Variants in SYN3 observed in about 807,000 individuals in gnomAD.
SYN3 encodes the protein synapsin-3.
SYN3 carries 35 observed loss-of-function variants against 65.8 expected under a neutral mutation model. The observed-to-expected ratio is 0.53, with a 90% CI of 0.41 to 0.70. The LOEUF (loss-of-function observed/expected upper bound fraction) is 0.70. SYN3 is among the 30% of genes least tolerant of loss of function. The pLI is 0.00. For synonymous variants in SYN3, 270 were observed against 292.9 expected (o/e 0.92, Z 0.80); for missense variants, 680 against 749.0 (o/e 0.91, Z 1.08).
chr22:32,644,803 G>A (rs1019097317), intron 6 of SYN3, among the ~76,000 whole-genome samples: 1 of 152,144 alleles, frequency 6.6e-6, no homozygotes, highest in African/African-American at 2.4e-5. Context: ...GCTGCCTGGG[G>A]CCTCCCAGTG....
At chr22:32,551,317 A>T (rs1018415915) in intron 7 of SYN3, among the ~76,000 whole-genome samples, 3 of 152,176 alleles carry the variant, frequency 2.0e-5, no homozygotes, top group African/African-American at 7.2e-5. Context: ...GATGTGATGC[A>T]AGATAATGGC....
chr22:32,654,890 T>C (rs1037539612), intron 6 of SYN3, among the ~76,000 whole-genome samples: 1 of 152,252 alleles, frequency 6.6e-6, no homozygotes, highest in Non-Finnish European at 1.5e-5. Context: ...CCTTTTGTAG[T>C]TACTTGTGTA....
At chr22:32,884,703 C>T (rs769030890) in intron 4 of SYN3, among the ~76,000 whole-genome samples, 25 of 152,118 alleles carry the variant, frequency 1.6e-4, no homozygotes, top group Non-Finnish European at 2.9e-4. Flanking sequence ...ATGGTGAAAT[C>T]CTGTCTTTAC....
At chr22:33,018,482 T>A (rs2053507372) in intron 1 of SYN3, among the ~76,000 whole-genome samples, 1 of 152,128 alleles carries the variant, frequency 6.6e-6, no homozygotes, top group South Asian at 2.1e-4. Flanking sequence ...AGAGACTTTA[T>A]AAGGCAAGTT....
intron 6 of SYN3, among the ~76,000 whole-genome samples, chr22:32,677,778 G>A (rs1005681305): frequency 5.9e-5 from 9 of 151,966 alleles, no homozygotes; most frequent in Admixed American, 6.6e-5. Flanking sequence ...TCCAGCCTGG[G>A]CGACAGAGCA....
chr22:32,904,641 C>G (rs1007475223), intron 4 of SYN3, among the ~76,000 whole-genome samples: 1 of 152,014 alleles, frequency 6.6e-6, no homozygotes, highest in Non-Finnish European at 1.5e-5. Flanking sequence ...ATCTTCCAAA[C>G]AGGCAGAAAA....
intron 6 of SYN3, among the ~76,000 whole-genome samples, chr22:32,664,490 G>C (rs2060260800): frequency 6.6e-6 from 1 of 151,428 alleles, no homozygotes; most frequent in Non-Finnish European, 1.5e-5. Context: ...GGGAACAGGA[G>C]GTGTCTGGTT....
chr22:32,643,627 T>C (rs1407363145), intron 6 of SYN3, among the ~76,000 whole-genome samples: 3 of 137,578 alleles, frequency 2.2e-5, no homozygotes, highest in African/African-American at 5.7e-5. Context: ...AGAGTTATAG[T>C]AGAAATAAAT....
At chr22:32,846,864 G>A (rs745902378) in intron 6 of SYN3, among the ~76,000 whole-genome samples, 5 of 152,212 alleles carry the variant, frequency 3.3e-5, no homozygotes, top group Non-Finnish European at 2.9e-5. Context: ...CTACAAAAAC[G>A]TATTCTTTTC....
At position 32,743,416 on chromosome 22, in the gene SYN3, A is replaced by G. The variant is rs111355445; in HGVS notation, c.711+121499T>C. Among the ~76,000 whole-genome samples the G allele has an allele frequency of 8.3e-3, 1,261 of 152,274 alleles. 22 individuals are homozygous for G. The highest frequency in any genetic ancestry group is 0.029 in the African/African-American group (1,212 of 41,544). ...CAGCTAGTGGCCTAGAATCCCTTCT[A>G]ACCAGGGGCAGTGGACACAGAGGAA... is the stretch of plus-strand genomic sequence containing the variant. On this transcript the variant is annotated intron_variant, in intron 6 of 13. Coordinates refer to ENST00000358763, the MANE Select transcript of SYN3 (RefSeq NM_003490.4).
intron 6 of SYN3, among the ~76,000 whole-genome samples, chr22:32,811,750 G>T (rs1293290703): frequency 6.6e-6 from 1 of 152,188 alleles, no homozygotes; most frequent in Non-Finnish European, 1.5e-5. Context: ...GCGGGGTTCT[G>T]TGGCTTAGCC....
intron 6 of SYN3, among the ~76,000 whole-genome samples, chr22:32,609,109 G>A (rs897838041): frequency 6.6e-6 from 1 of 152,004 alleles, no homozygotes; most frequent in South Asian, 2.1e-4. Flanking sequence ...TGGATCACGA[G>A]GTCAGGAGAT....
At chr22:32,630,039 G>A (rs892006001) in intron 6 of SYN3, among the ~76,000 whole-genome samples, 2 of 149,486 alleles carry the variant, frequency 1.3e-5, no homozygotes, top group Admixed American at 6.7e-5. Context: ...GCTAGAGTAC[G>A]GTGGCGCGAT....
chr22:32,769,747 C>G (rs1602104331), intron 6 of SYN3, among the ~76,000 whole-genome samples: 1 of 152,064 alleles, frequency 6.6e-6, no homozygotes, highest in Non-Finnish European at 1.5e-5. Context: ...GAACTCCCGA[C>G]CTCAGATGAT....
chr22:32,899,727 T>C lies in SYN3; in HGVS notation c.462-30602A>G, dbSNP rs143173517. 7.4e-4 allele frequency among the ~76,000 whole-genome samples: 113 copies of C among 152,392 alleles called. No homozygotes were observed. In the East Asian group the frequency reaches 0.021, roughly 28 times the overall value. On this transcript the variant is annotated intron_variant, in intron 4 of 13. Coordinates refer to ENST00000358763, the MANE Select transcript of SYN3 (RefSeq NM_003490.4). ...CCTGAAACTCACTAGCCAGAAACCCTGAACAAGTCAATTTCCCTCTTTTGA... is the reference window on the plus strand; with the variant it reads ...CCTGAAACTCACTAGCCAGAAACCCCGAACAAGTCAATTTCCCTCTTTTGA...
At chr22:32,992,635 G>T (rs2052753315) in intron 2 of SYN3, among the ~76,000 whole-genome samples, 1 of 152,008 alleles carries the variant, frequency 6.6e-6, no homozygotes, top group African/African-American at 2.4e-5. Context: ...CAATATAGTG[G>T]AACCCCGTCC....
intron 3 of SYN3, among the ~76,000 whole-genome samples, chr22:32,944,319 A>C (rs1234633260): frequency 6.6e-6 from 1 of 152,218 alleles, no homozygotes; most frequent in Non-Finnish European, 1.5e-5. Context: ...AACTACATGG[A>C]AACTGAACAA....
chr22:32,635,316 T>C (rs1459267132), intron 6 of SYN3: 1 of 152,202 alleles, frequency 6.6e-6, no homozygotes, highest in Non-Finnish European at 1.5e-5. Context: ...TCTTCTCTCT[T>C]CTTTATTTTC....
chr22:32,541,608 G>A lies in SYN3; in HGVS notation c.880C>T (p.Arg294Cys), dbSNP rs777775255. Residue 294 changes from arginine to cysteine, a missense_variant, in exon 8 of 14, where the codon CGC (arginine) becomes TGC (cysteine). Arg to Cys is a radical substitution (Grantham distance 180). Transcript: ENST00000358763. ...EAFIDSKYDI[R>C]IQKIGSNYKA... is the part of the protein sequence containing the mutation. Reference sequence around the variant, plus strand: ...TAGTTGGATCCAATTTTCTGGATGCGGATGTCGTACTTGGAGTCGATGAAG... The same window carrying A: ...TAGTTGGATCCAATTTTCTGGATGCAGATGTCGTACTTGGAGTCGATGAAG... The A allele has an allele frequency of 5.0e-6, 8 of 1,613,958 alleles. No individual in the cohort carries two copies. The highest frequency in any genetic ancestry group is 1.6e-4 in the Middle Eastern group (1 of 6,084).
Sources: gnomAD v4.1 joint callset for allele counts (sites outside exome capture counted in the v4.1 genomes callset) on GRCh38, gnomAD v4.1.1 for gene constraint, MANE v1.5 for transcripts, NCBI Gene and HGNC (gene_info 2026-07-23, HGNC 2026-07-21) for gene names.